The following SLCO1A2 variants were observed in gnomAD, a reference collection of about 807,000 sequenced individuals.
The protein encoded by SLCO1A2 is OATP-1.
SLCO1A2 carries 67 observed loss-of-function variants against 69.0 expected under a neutral mutation model. That is an observed-to-expected ratio of 0.97 (90% confidence interval 0.80 to 1.19). The LOEUF is 1.19. Ranked by LOEUF, SLCO1A2 falls within the 50% of genes most tolerant of loss-of-function variation. The probability of loss-of-function intolerance (pLI) is 0.00; values close to 1 mark genes in which losing one functional copy is unlikely to be tolerated. For synonymous variants in SLCO1A2, 260 were observed against 265.9 expected, an observed-to-expected ratio of 0.98 and a Z score of 0.22; for missense variants, 787 against 793.7, an observed-to-expected ratio of 0.99 and a Z score of 0.10.
At chr12:21,310,338 C>A (rs1242000108) in intron 4 of SLCO1A2, among the ~76,000 whole-genome samples, 1 of 151,960 alleles carries the variant, frequency 6.6e-6, no homozygotes, top group Non-Finnish European at 1.5e-5. Context: ...AGCATTATGT[C>A]TGAAACACAA....
intron 4 of SLCO1A2, among the ~76,000 whole-genome samples, chr12:21,310,664 A>G (rs758191171): frequency 3.3e-5 from 5 of 152,190 alleles, no homozygotes; most frequent in Non-Finnish European, 5.9e-5. Flanking sequence ...TGCAAGTGGC[A>G]CGATCTCGGC....
chr12:21,387,712 C>T lies in SLCO1A2; in HGVS notation c.-190+7194G>A, dbSNP rs117705859. Among the ~76,000 whole-genome samples the T allele has an allele frequency of 3.8e-3, 582 of 152,256 alleles. 4 individuals carry two copies. In the East Asian group the frequency reaches 0.055, roughly 14 times the overall value. On this transcript the variant is annotated intron_variant, in intron 1 of 15. Coordinates refer to the SLCO1A2 transcript ENST00000307378. Reference sequence around the variant, plus strand: ...GCAGAAGGGACATGCGGGGTTGGAGCGCCCCCACAGAGTCCCCAATGGAAT... The same window carrying T: ...GCAGAAGGGACATGCGGGGTTGGAGTGCCCCCACAGAGTCCCCAATGGAAT...
upstream of SLCO1A2, among the ~76,000 whole-genome samples, chr12:21,337,158 TGTA>T (rs1952918936): frequency 6.6e-6 from 1 of 152,080 alleles, no homozygotes; most frequent in African/African-American, 2.4e-5. Context: ...CACATTGTTA[TGTA>T]GTAGATCTCT....
At chr12:21,347,698 A>AAGGAAGGAAGGAAGGAAGGC (rs1211372509) in intron 2 of SLCO1A2, among the ~76,000 whole-genome samples, 1 of 142,950 alleles carries the variant, frequency 7.0e-6, no homozygotes, top group Non-Finnish European at 1.5e-5. Context: ...GGAAGGAAGG[A>AAGGAAGGAAGGAAGGAAGGC]AGAAGGAAAA....
At chr12:21,366,290 A>G (rs1464412112) in intron 2 of SLCO1A2, among the ~76,000 whole-genome samples, 3 of 152,094 alleles carry the variant, frequency 2.0e-5, no homozygotes, top group Non-Finnish European at 2.9e-5. Flanking sequence ...TGAGCAAAGT[A>G]TCACAAGGAC....
intron 3 of SLCO1A2, among the ~76,000 whole-genome samples, chr12:21,317,771 T>A (rs1429750358): frequency 6.6e-6 from 1 of 152,178 alleles, no homozygotes; most frequent in Non-Finnish European, 1.5e-5. Flanking sequence ...AAGGAAATTA[T>A]CACCTTGAAG....
chr12:21,359,746 T>TAA lies in SLCO1A2; in HGVS notation c.-63+14651_-63+14652dup, dbSNP rs35529364. Among the ~76,000 whole-genome samples, 1,131 of 140,160 alleles carry TAA rather than the reference T, an allele frequency of 8.1e-3. 13 individuals carry two copies. Among genetic ancestry groups the TAA allele is most frequent in the South Asian group, 0.026 (113 of 4,430 alleles). 92.0% of individuals were successfully genotyped at this position (140,160 alleles called of 152,430 possible). On this transcript the variant is annotated intron_variant, in intron 2 of 15. Coordinates refer to the SLCO1A2 transcript ENST00000307378. ...TGGGCGACAGAGCGAGACTCCGTCTTAAAAAAAAAAAAAAAATCAATGGAC... is the reference window on the plus strand; with the variant it reads ...TGGGCGACAGAGCGAGACTCCGTCTTAAAAAAAAAAAAAAAAAATCAATGGAC...
At chr12:21,282,301 T>C (rs1329212733) in intron 12 of SLCO1A2, among the ~76,000 whole-genome samples, 1 of 152,028 alleles carries the variant, frequency 6.6e-6, no homozygotes, top group Non-Finnish European at 1.5e-5. Flanking sequence ...ATCTATATGA[T>C]ACATCATACC....
chr12:21,373,419 C>A, intron 2 of SLCO1A2: 1 of 1,611,700 alleles, frequency 6.2e-7, no homozygotes, highest in African/African-American at 1.3e-5. Flanking sequence ...CTGAAAGCTA[C>A]ACCCATTGAA....
chr12:21,287,618 T>C (rs11045939), intron 12 of SLCO1A2, among the ~76,000 whole-genome samples: 13,573 of 110,352 alleles, frequency 0.12, 777 homozygotes, highest in Middle Eastern at 0.18. Flanking sequence ...ACCCAAATGT[T>C]CAACAATGAT....
In SLCO1A2 at chr12:21,352,286, A is replaced by C. The variant is rs112033444; in HGVS notation, c.-62-17577T>G. Among the ~76,000 whole-genome samples, 41 of 152,298 alleles carry C rather than the reference A, an allele frequency of 2.7e-4. 1 individual carries two copies. Among genetic ancestry groups the C allele is most frequent in the African/African-American group, 9.9e-4 (41 of 41,562 alleles). Reference sequence around the variant, plus strand: ...ACAGGTGGACGGCAGCAGTTAGACAAAATTCTATGAGGTTTGAGCCATTAA... The same window carrying C: ...ACAGGTGGACGGCAGCAGTTAGACACAATTCTATGAGGTTTGAGCCATTAA... On this transcript the variant is annotated intron_variant, in intron 2 of 15. Coordinates refer to the SLCO1A2 transcript ENST00000307378.
In SLCO1A2 at chr12:21,295,684, G is replaced by A; in HGVS notation, c.1184C>T (p.Ser395Phe). The change falls in exon 10 of 15, where the codon TCC (serine) becomes TTC (phenylalanine). Residue 395 changes from serine (S) to phenylalanine (F), a missense_variant. Physicochemically the swap from Ser to Phe is radical, Grantham distance 155. Coordinates refer to ENST00000683939, the MANE Select transcript of SLCO1A2 (RefSeq NM_001386879.1). ...AAAATAGAGAAGATACTCAAGTAAG[G>A]ATAACCAACATCCTATGTGGGCAGC... ...KQAAHIGCWL[S>F]LLEYLLYFLS... 6.2e-7 allele frequency: 1 copy of A among 1,608,110 alleles called. No homozygotes were observed. Among genetic ancestry groups the A allele is most frequent in the Non-Finnish European group, 8.5e-7 (1 of 1,174,940 alleles).
At chr12:21,357,874 T>C (rs1352140997) in intron 2 of SLCO1A2, among the ~76,000 whole-genome samples, 1 of 152,196 alleles carries the variant, frequency 6.6e-6, no homozygotes, top group Non-Finnish European at 1.5e-5. Flanking sequence ...AGAAAATTTA[T>C]TGAGAAGTTT....
intron 2 of SLCO1A2, among the ~76,000 whole-genome samples, chr12:21,344,493 CAGTTAGATAT>C (rs1953189895): frequency 1.3e-5 from 2 of 152,064 alleles, no homozygotes; most frequent in Admixed American, 1.3e-4. Context: ...ATGCCCCTCC[CAGTTAGATAT>C]ATATTTTAAT....
intron 4 of SLCO1A2, among the ~76,000 whole-genome samples, chr12:21,307,853 A>G (rs1313626097): frequency 6.6e-6 from 1 of 152,148 alleles, no homozygotes; most frequent in Non-Finnish European, 1.5e-5. Flanking sequence ...TTTCTGTGCT[A>G]TAGGATATAA....
At chr12:21,407,681 G>A (rs185154428) in intron 1 of SLCO1A2, among the ~76,000 whole-genome samples, 2 of 152,012 alleles carry the variant, frequency 1.3e-5, no homozygotes, top group African/African-American at 4.8e-5. Context: ...AGTGCCTGTA[G>A]TCCCAGCTAC....
At chr12:21,406,829 A>G (rs190148463) in intron 1 of SLCO1A2, among the ~76,000 whole-genome samples, 7 of 152,308 alleles carry the variant, frequency 4.6e-5, no homozygotes, top group African/African-American at 1.7e-4. Context: ...AATTTTGGAG[A>G]CAGATGCATG....
At chr12:21,329,315 CA>C (rs1204204814) in intron 2 of SLCO1A2, among the ~76,000 whole-genome samples, 1 of 152,094 alleles carries the variant, frequency 6.6e-6, no homozygotes, top group Non-Finnish European at 1.5e-5. Context: ...TTGGTAACCA[CA>C]GCTCTCAGAG....
chr12:21,394,898 T>C (rs573518639), intron 1 of SLCO1A2: 1 of 152,312 alleles, frequency 6.6e-6, no homozygotes, highest in South Asian at 2.1e-4. Context: ...TCACTAACAA[T>C]TGCTTACCAT....
Sources: allele counts gnomAD v4.1 joint callset (sites outside exome capture counted in the v4.1 genomes callset), GRCh38; gene constraint gnomAD v4.1.1; transcripts MANE v1.5; gene names NCBI Gene and HGNC (gene_info 2026-07-23, HGNC 2026-07-21).